The following CDH4 variants were observed in gnomAD, a reference collection of about 807,000 sequenced individuals.
CDH4 encodes cadherin-4.
CDH4 carries 33 observed loss-of-function variants against 86.0 expected under a neutral mutation model. The observed-to-expected ratio is 0.38, with a 90% CI of 0.29 to 0.51. CDH4 has a LOEUF of 0.51. Among genes scored for constraint, CDH4 ranks in the 20% least tolerant of loss-of-function variants. The pLI, the probability that CDH4 is intolerant of heterozygous loss-of-function variation, is 0.86. For synonymous variants in CDH4, 555 were observed against 549.4 expected, an observed-to-expected ratio of 1.01 and a Z score of -0.14; for missense variants, 1,114 against 1,307.4, an observed-to-expected ratio of 0.85 and a Z score of 2.28.
chr20:61,515,855 G>A (rs570050985), intron 2 of CDH4, among the ~76,000 whole-genome samples: 1 of 152,122 alleles, frequency 6.6e-6, no homozygotes, highest in African/African-American at 2.4e-5. Flanking sequence ...TTGTTCTCTC[G>A]CTCTTTCTCA....
At chr20:61,698,555 C>T (rs896182252) in intron 2 of CDH4, among the ~76,000 whole-genome samples, 2 of 152,260 alleles carry the variant, frequency 1.3e-5, no homozygotes, top group African/African-American at 2.4e-5. Context: ...CAGCAAAGGC[C>T]TCTCCCAGGA....
chr20:61,933,153 C>A, intron 14 of CDH4, 29 bp downstream of exon 14: 5 of 1,605,632 alleles, frequency 3.1e-6, no homozygotes, highest in Non-Finnish European at 4.3e-6. Context: ...CCCGCCTCCC[C>A]ACGCGAGGCC....
intron 2 of CDH4, among the ~76,000 whole-genome samples, chr20:61,522,850 T>G (rs1289434989): frequency 6.6e-6 from 1 of 152,260 alleles, no homozygotes; most frequent in African/African-American, 2.4e-5. Context: ...GCCAGTTGAT[T>G]AGTCTAACAC....
rs184756662 is a variant in CDH4 at position 61,843,588 on chromosome 20, G to A, written c.577-1080G>A. 2.3e-3 allele frequency among the ~76,000 whole-genome samples: 347 copies of A among 151,944 alleles called. 4 individuals carry two copies. Among genetic ancestry groups the A allele is most frequent in the Admixed American group, 6.4e-3 (98 of 15,272 alleles). ...CAGCACCTGTAGTCCCAGCTACTCC[G>A]GGGCTGAGGTAGAAGGATTGCTTGA... On this transcript the variant is annotated intron_variant, in intron 4 of 15. Coordinates refer to ENST00000614565, the MANE Select transcript of CDH4 (RefSeq NM_001794.5).
At chr20:61,254,768 T>G in intron 1 of CDH4, 58 bp from the exon 2 acceptor site, 1 of 1,117,266 alleles carries the variant, frequency 9.0e-7, no homozygotes, top group Non-Finnish European at 1.4e-6. Context: ...GGATGAATGT[T>G]GGTTGGATTA....
At chr20:61,301,953 G>T (rs920960097) in intron 2 of CDH4, among the ~76,000 whole-genome samples, 1 of 152,190 alleles carries the variant, frequency 6.6e-6, no homozygotes, top group African/African-American at 2.4e-5. Context: ...GCGCTTTTAC[G>T]CCATACTTCC....
rs558779988 is a variant in CDH4 at position 61,592,369 on chromosome 20, G to A, written c.170-151194G>A. ...ACTGGGCACTGCTCAGGGCCCTGCA[G>A]TGGTTCCACAGGGGCGCCCGTCATC... On this transcript the variant is annotated intron_variant, in intron 2 of 15. Coordinates refer to ENST00000614565, the MANE Select transcript of CDH4 (RefSeq NM_001794.5). Among the ~76,000 whole-genome samples the A allele has an allele frequency of 3.9e-5, 6 of 152,292 alleles. No individual in the cohort carries two copies. In the South Asian group the frequency reaches 1.2e-3, roughly 32 times the overall value.
intron 2 of CDH4, among the ~76,000 whole-genome samples, chr20:61,459,018 G>A (rs2085426587): frequency 6.8e-6 from 1 of 147,768 alleles, no homozygotes; most frequent in Non-Finnish European, 1.5e-5. Context: ...CCCTGGCATT[G>A]TCTATTCTGT....
At chr20:61,434,688 G>A (rs1423871712) in intron 2 of CDH4, 1 of 151,926 alleles carries the variant, frequency 6.6e-6, no homozygotes, top group African/African-American at 2.4e-5. Flanking sequence ...TCACTTCCAG[G>A]CCTCGCCCCA....
chr20:61,258,276 G>A (rs930647046), intron 2 of CDH4, among the ~76,000 whole-genome samples: 2 of 132,568 alleles, frequency 1.5e-5, no homozygotes, highest in Non-Finnish European at 3.1e-5. Flanking sequence ...CTTGCAGTGA[G>A]TCGAGATCGC....
intron 4 of CDH4, among the ~76,000 whole-genome samples, chr20:61,839,622 CTG>C (rs886931600): frequency 6.7e-6 from 1 of 149,736 alleles, no homozygotes; most frequent in African/African-American, 2.5e-5. Flanking sequence ...TGTTTGTGTA[CTG>C]TGTGCATGTT....
rs1980394990 is a variant in CDH4 at position 61,810,817 on chromosome 20, T to C, written c.577-33851T>C. ...CCCCAGATGCCTCGGTGGTCACTTC[T>C]CCAGTCTCAGCTGCTCAACAGAGCC... On this transcript the variant is annotated intron_variant, in intron 4 of 15. Transcript: ENST00000614565. The surrounding 1 kb of genome is among the most constrained non-coding windows in gnomAD (Gnocchi z 4.3). Among the ~76,000 whole-genome samples, 2 of 151,992 alleles carry C rather than the reference T, an allele frequency of 1.3e-5. No homozygotes were observed. Among genetic ancestry groups the C allele is most frequent in the Non-Finnish European group, 2.9e-5 (2 of 67,990 alleles).
At chr20:61,453,043 A>G (rs2085388929) in intron 2 of CDH4, among the ~76,000 whole-genome samples, 2 of 152,210 alleles carry the variant, frequency 1.3e-5, no homozygotes, top group Admixed American at 1.3e-4. Flanking sequence ...GCTTCTATTA[A>G]GAAGCAAATA....
intron 2 of CDH4, among the ~76,000 whole-genome samples, chr20:61,630,109 C>T (rs2086871392): frequency 6.6e-6 from 1 of 152,246 alleles, no homozygotes; most frequent in South Asian, 2.1e-4. Flanking sequence ...GCCATGAACA[C>T]AGGATGCAGA....
chr20:61,864,643 C>A (rs1052535034), intron 6 of CDH4, among the ~76,000 whole-genome samples: 1 of 152,194 alleles, frequency 6.6e-6, no homozygotes. Flanking sequence ...CCAGGACACA[C>A]TCACTCAACT....
At chr20:61,647,525 T>G (rs77993682) in intron 2 of CDH4, among the ~76,000 whole-genome samples, 1 of 69,850 alleles carries the variant, frequency 1.4e-5, no homozygotes, top group African/African-American at 5.3e-5. Flanking sequence ...CACACACATA[T>G]TCTCTCTCCC....
chr20:61,633,104 A>G (rs938899370), intron 2 of CDH4, among the ~76,000 whole-genome samples: 2 of 148,084 alleles, frequency 1.4e-5, no homozygotes, highest in Non-Finnish European at 3.0e-5. Flanking sequence ...CTATCCATCC[A>G]TCCATCCGTC....
At chr20:61,396,768 A>G (rs2085019950) in intron 2 of CDH4, among the ~76,000 whole-genome samples, 1 of 152,206 alleles carries the variant, frequency 6.6e-6, no homozygotes, top group Non-Finnish European at 1.5e-5. Context: ...CCATAGGCAC[A>G]GTGACCCATC....
At chr20:61,336,534 A>T (rs1693902915) in intron 2 of CDH4, among the ~76,000 whole-genome samples, 1 of 152,072 alleles carries the variant, frequency 6.6e-6, no homozygotes, top group South Asian at 2.1e-4. Context: ...TCCTACCTGG[A>T]AGGCATTTTT....
Sources: gnomAD v4.1 joint callset for allele counts (sites outside exome capture counted in the v4.1 genomes callset) on GRCh38, gnomAD v4.1.1 for gene constraint, Gnocchi (gnomAD v3.1) non-coding constraint, MANE v1.5 for transcripts, NCBI Gene and HGNC (gene_info 2026-07-23, HGNC 2026-07-21) for gene names.